Variants in DIP2B observed in about 807,000 individuals in gnomAD.
DIP2B encodes the protein DIP2 acetate--CoA ligase B (putative), also known as disco-interacting protein 2 homolog B.
A neutral mutation model predicts 198.0 loss-of-function variants in DIP2B; 76 were observed. The ratio of observed to expected loss-of-function variants is 0.38; its 90% CI spans 0.32 to 0.46. The LOEUF (loss-of-function observed/expected upper bound fraction) is 0.46, where lower values mean the gene tolerates loss of function less well. DIP2B is among the 20% of genes least tolerant of loss of function. The pLI is 0.99. For missense variants in DIP2B, 1,559 were observed against 1,978.4 expected (o/e 0.79, Z 4.02); for synonymous variants, 701 against 739.1 (o/e 0.95, Z 0.84).
intron 2 of DIP2B, among the ~76,000 whole-genome samples, chr12:50,635,652 G>T (rs754246821): frequency 1.4e-4 from 22 of 152,288 alleles, no homozygotes; most frequent in Non-Finnish European, 2.5e-4. Context: ...AAGTTAAAAT[G>T]AAACAAAGGA....
intron 19 of DIP2B, among the ~76,000 whole-genome samples, chr12:50,699,710 A>G (rs1447696202): frequency 1.3e-5 from 2 of 152,026 alleles, no homozygotes; most frequent in African/African-American, 2.4e-5. Context: ...AAAAATTGAA[A>G]AAATTAGCCA....
intron 32 of DIP2B, 143 bp from the exon 33 acceptor site, chr12:50,733,992 G>C: frequency 1.2e-6 from 1 of 800,654 alleles, no homozygotes; most frequent in East Asian, 2.5e-5. Context: ...ATAAGAGTGA[G>C]AGCAGGGGGC....
intron 1 of DIP2B, among the ~76,000 whole-genome samples, chr12:50,512,622 C>T (rs10876044): frequency 0.59 from 89,011 of 151,972 alleles, 26,437 homozygotes; most frequent in South Asian, 0.71. Context: ...TCTGGTGGGC[C>T]TGGGTTGAAG....
chr12:50,583,758 A>G (rs913598821), intron 1 of DIP2B, among the ~76,000 whole-genome samples: 2 of 152,178 alleles, frequency 1.3e-5, no homozygotes, highest in Non-Finnish European at 2.9e-5. Context: ...GTGTACCCCC[A>G]TCTTGAGAAA....
chr12:50,570,217 C>T (rs1030918192), intron 1 of DIP2B, among the ~76,000 whole-genome samples: 1 of 152,090 alleles, frequency 6.6e-6, no homozygotes, highest in Non-Finnish European at 1.5e-5. Flanking sequence ...ATCTTGATAT[C>T]TAGATCTCTT....
intron 34 of DIP2B, among the ~76,000 whole-genome samples, chr12:50,735,445 G>T (rs1401058066): frequency 2.1e-5 from 3 of 141,632 alleles, no homozygotes; most frequent in Non-Finnish European, 4.7e-5. Flanking sequence ...TTTTTTTCAT[G>T]GTTTTTTTTG....
In DIP2B at chr12:50,513,455, C is replaced by T. The variant is rs183822059; in HGVS notation, c.100+8215C>T. On this transcript the variant is annotated intron_variant, in intron 1 of 37. Coordinates refer to ENST00000301180, the MANE Select transcript of DIP2B (RefSeq NM_173602.3). ...TATAAGCTTGGTTTCTGAGACTTAG[C>T]ATCTACAAGCTATGAAAAGGGACAT... Among the ~76,000 whole-genome samples, 162 of 152,310 alleles carry T rather than the reference C, an allele frequency of 1.1e-3. 1 individual carries two copies. The highest frequency in any genetic ancestry group is 6.2e-4 in the South Asian group (3 of 4,824).
intron 1 of DIP2B, among the ~76,000 whole-genome samples, chr12:50,562,292 G>T (rs1005744776): frequency 6.6e-6 from 1 of 152,058 alleles, no homozygotes; most frequent in Non-Finnish European, 1.5e-5. Flanking sequence ...GAGTGTGTAT[G>T]GTAATAAGAA....
chr12:50,563,653 A>G (rs969015524), intron 1 of DIP2B, among the ~76,000 whole-genome samples: 1 of 149,414 alleles, frequency 6.7e-6, no homozygotes, highest in Non-Finnish European at 1.5e-5. Context: ...GGGCCACCAT[A>G]CCTGGCTAAT....
chr12:50,662,081 TCTC>T (rs781338983), intron 4 of DIP2B, among the ~76,000 whole-genome samples: 106 of 152,224 alleles, frequency 7.0e-4, no homozygotes, highest in Admixed American at 5.2e-4. Flanking sequence ...ACACTAATGT[TCTC>T]CTCTGTCTGC....
intron 2 of DIP2B, among the ~76,000 whole-genome samples, chr12:50,628,089 G>A (rs1937970884): frequency 1.3e-5 from 2 of 152,074 alleles, no homozygotes; most frequent in Admixed American, 1.3e-4. Context: ...AAGCAATGAT[G>A]GGCCGAGCGT....
chr12:50,611,458 G>A (rs2052346259), intron 1 of DIP2B, among the ~76,000 whole-genome samples: 2 of 152,210 alleles, frequency 1.3e-5, no homozygotes, highest in African/African-American at 2.4e-5. Flanking sequence ...TTTTGCTGAG[G>A]CTGCATTGAG....
intron 1 of DIP2B, among the ~76,000 whole-genome samples, chr12:50,539,330 A>G (rs1958298658): frequency 6.6e-6 from 1 of 151,422 alleles, no homozygotes; most frequent in Admixed American, 6.6e-5. Flanking sequence ...AAGAATATAT[A>G]TAAAGTGTAT....
intron 20 of DIP2B, among the ~76,000 whole-genome samples, chr12:50,706,105 T>C (rs1385001764): frequency 6.6e-6 from 1 of 152,222 alleles, no homozygotes; most frequent in African/African-American, 2.4e-5. Context: ...CTTACCAACC[T>C]GAGACGGTCA....
At chr12:50,615,586 G>C (rs1376516795) in intron 1 of DIP2B, among the ~76,000 whole-genome samples, 1 of 151,900 alleles carries the variant, frequency 6.6e-6, no homozygotes, top group Non-Finnish European at 1.5e-5. Context: ...TACCAACCCA[G>C]AATTTTCTAG....
intron 1 of DIP2B, among the ~76,000 whole-genome samples, chr12:50,548,574 G>A (rs1958397072): frequency 6.6e-6 from 1 of 152,082 alleles, no homozygotes; most frequent in Non-Finnish European, 1.5e-5. Context: ...TGCCCAGGCT[G>A]GAGTGCAATG....
chr12:50,678,853 A>G lies in DIP2B; in HGVS notation c.1091A>G (p.Lys364Arg). Reference protein sequence around the residue: ...SCLTALDMTGKPVYTLTYGKL... With the variant: ...SCLTALDMTGRPVYTLTYGKL... ...CTGACTGCACTGGACATGACAGGGAAACCAGTTTACACTCTTACATATGGT... is the reference window on the plus strand; with the variant it reads ...CTGACTGCACTGGACATGACAGGGAGACCAGTTTACACTCTTACATATGGT... Residue 364 changes from lysine to arginine, a missense_variant, in exon 8 of 38, where the codon AAA becomes AGA. Coordinates refer to ENST00000301180, the MANE Select transcript of DIP2B (RefSeq NM_173602.3). 7 of 1,614,210 alleles carry G rather than the reference A, an allele frequency of 4.3e-6. No homozygotes were observed. The highest frequency in any genetic ancestry group is 4.2e-6 in the Non-Finnish European group (5 of 1,180,028).
chr12:50,718,725 C>G lies in DIP2B; in HGVS notation c.2868C>G (p.Ser956=). 1.9e-6 allele frequency: 3 copies of G among 1,614,090 alleles called. No homozygotes were observed. The highest frequency in any genetic ancestry group is 2.5e-6 in the Non-Finnish European group (3 of 1,179,982). ...TATTTACAGGTGTAGGCCCTGCTTCCGTGATGGTTGGGAATCTGGTTGCTG... is the reference window on the plus strand; with the variant it reads ...TATTTACAGGTGTAGGCCCTGCTTCGGTGATGGTTGGGAATCTGGTTGCTG... The part of the protein sequence containing the change: ...RQKQPGVGPA[S]VMVGNLVAGK... The change falls in exon 24 of 38, where the codon TCC becomes TCG. Residue 956 remains serine, a synonymous_variant. Transcript: ENST00000301180.
At chr12:50,543,366 C>T (rs10783370) in intron 1 of DIP2B, among the ~76,000 whole-genome samples, 39,256 of 151,312 alleles carry the variant, frequency 0.26, 5,581 homozygotes, top group East Asian at 0.37. Flanking sequence ...CTTGGCTCAC[C>T]GCAACTTCCG....
Sources: allele counts gnomAD v4.1 joint callset (sites outside exome capture counted in the v4.1 genomes callset), GRCh38; gene constraint gnomAD v4.1.1; transcripts MANE v1.5; gene names NCBI Gene and HGNC (gene_info 2026-07-23, HGNC 2026-07-21).